SPATC1: variants seen among roughly 807,000 people sequenced by gnomAD.
SPATC1 encodes the protein speriolin.
Under a neutral mutation model 36.5 loss-of-function variants are expected in SPATC1, and 35 were observed. That is an observed-to-expected ratio of 0.96 (90% CI 0.73 to 1.27). SPATC1 has a LOEUF of 1.27. SPATC1 is among the 50% of genes most tolerant of loss of function. SPATC1 has a pLI of 0.00. For synonymous variants in SPATC1, 361 were observed against 353.6 expected (o/e 1.02, Z -0.24); for missense variants, 779 against 796.0 (o/e 0.98, Z 0.26).
chr8:144,042,311 A>ATATTTTT (rs1412021347), intron 4 of SPATC1, among the ~76,000 whole-genome samples: 5 of 23,880 alleles, frequency 2.1e-4, no homozygotes, highest in African/African-American at 2.4e-4. Flanking sequence ...ATATATATAT[A>ATATTTTT]TTTTTTTTTT....
At chr8:144,018,296 T>C (rs1340115227) in intron 1 of SPATC1, among the ~76,000 whole-genome samples, 4 of 152,258 alleles carry the variant, frequency 2.6e-5, no homozygotes, top group East Asian at 3.9e-4. Context: ...TCAACCATCA[T>C]AGGTGGAATG....
At chr8:144,012,948 C>T (rs1834309888) in intron 1 of SPATC1, among the ~76,000 whole-genome samples, 1 of 152,092 alleles carries the variant, frequency 6.6e-6, no homozygotes, top group Non-Finnish European at 1.5e-5. Context: ...GCTCAGAGCC[C>T]ACCCACCCCT....
Position 144,039,946 on chromosome 8 carries a change from A to G in SPATC1, c.249A>G (p.Glu83=). The G allele has an allele frequency of 6.2e-7, 1 of 1,613,800 alleles. No homozygotes were observed. The highest frequency in any genetic ancestry group is 1.1e-5 in the South Asian group (1 of 91,080). Residue 83 remains glutamate (E), a synonymous_variant, in exon 2 of 5, where the codon GAA becomes GAG. Transcript: ENST00000377470. ...FLPPSPAVAN[E]RVLEEVGIMA... ...CCCCGTCCCCAGCAGTGGCAAACGA[A>G]CGAGTCCTCGAAGAAGTGGGGATCA...
At chr8:144,032,692 T>C (rs1279967860) in intron 1 of SPATC1, among the ~76,000 whole-genome samples, 1 of 152,172 alleles carries the variant, frequency 6.6e-6, no homozygotes, top group African/African-American at 2.4e-5. Flanking sequence ...TTATGGGTCA[T>C]ACTTGTTTGT....
At chr8:144,020,921 C>CCA in intron 1 of SPATC1, among the ~76,000 whole-genome samples, 1 of 149,238 alleles carries the variant, frequency 6.7e-6, no homozygotes, top group Non-Finnish European at 1.5e-5. Flanking sequence ...GGACCTTCTC[C>CCA]CCTCAGGACC....
At chr8:144,019,915 C>A in intron 1 of SPATC1, among the ~76,000 whole-genome samples, 1 of 151,694 alleles carries the variant, frequency 6.6e-6, no homozygotes, top group East Asian at 1.9e-4. Context: ...CCCACTGCCT[C>A]CCCCGGGGGC....
At position 144,040,411 on chromosome 8, in the gene SPATC1, C is replaced by T. The variant is rs563995961; in HGVS notation, c.714C>T (p.Gly238=). The change falls in exon 2 of 5, where the codon GGC becomes GGT. Residue 238 remains glycine, a synonymous_variant. Transcript: ENST00000377470. ...GGCTGGCTGAGCCACTCCGCGGAGG[C>T]CCCACTGGGCCCCAGTCCCCAGCTT... is the stretch of plus-strand genomic sequence containing the variant. ...RLRLAEPLRG[G]PTGPQSPACV... The T allele has an allele frequency of 6.2e-7, 1 of 1,609,744 alleles. No homozygotes were observed. Among genetic ancestry groups the T allele is most frequent in the South Asian group, 1.1e-5 (1 of 90,760 alleles).
intron 4 of SPATC1, among the ~76,000 whole-genome samples, chr8:144,044,332 C>T (rs776232158): frequency 3.6e-4 from 54 of 150,224 alleles, no homozygotes; most frequent in African/African-American, 1.2e-3. Context: ...GATGGAGTCT[C>T]GCTCTGTCGC....
intron 1 of SPATC1, among the ~76,000 whole-genome samples, chr8:144,018,573 AAG>A (rs1217027701): frequency 2.0e-5 from 3 of 152,228 alleles, no homozygotes; most frequent in African/African-American, 7.2e-5. Flanking sequence ...TGACTGAAGG[AAG>A]AGAGTCTCTT....
chr8:144,020,206 G>A (rs982528164), intron 1 of SPATC1, among the ~76,000 whole-genome samples: 81 of 150,856 alleles, frequency 5.4e-4, no homozygotes, highest in African/African-American at 2.0e-3. Flanking sequence ...TCTTCCCTCA[G>A]GACCATCTCC....
chr8:144,029,202 T>TA (rs1165801794), intron 1 of SPATC1, among the ~76,000 whole-genome samples: 2,342 of 28,116 alleles, frequency 0.083, 232 homozygotes, highest in Non-Finnish European at 0.12. Flanking sequence ...ACCCCAGAAC[T>TA]AAAAAAAAAA....
In SPATC1 at chr8:144,046,146, G is replaced by A. The variant is rs1554756703; in HGVS notation, c.1447-481G>A. ...GGGTGTGCAGGCTAGAGGGTGCTGAGGATGGAGGCCAGGGTAAGGAAGGGG... is the reference window on the plus strand; with the variant it reads ...GGGTGTGCAGGCTAGAGGGTGCTGAAGATGGAGGCCAGGGTAAGGAAGGGG... On this transcript the variant is annotated intron_variant, in intron 4 of 4. Coordinates refer to ENST00000377470, the MANE Select transcript of SPATC1 (RefSeq NM_198572.3). This position sits in a 1 kb window ranked among gnomAD's most constrained non-coding sequence, Gnocchi z 6.6. Among the ~76,000 whole-genome samples, 1 of 152,130 alleles carries A rather than the reference G, an allele frequency of 6.6e-6. No homozygotes were observed. The highest frequency in any genetic ancestry group is 6.5e-5 in the Admixed American group (1 of 15,278).
At chr8:144,021,301 C>T (rs1834528040) in intron 1 of SPATC1, among the ~76,000 whole-genome samples, 1 of 146,626 alleles carries the variant, frequency 6.8e-6, no homozygotes, top group Admixed American at 6.7e-5. Context: ...CCCTCAGGAC[C>T]CTCTTCCCTC....
intron 1 of SPATC1, among the ~76,000 whole-genome samples, chr8:144,037,534 C>T (rs185212438): frequency 0.046 from 6,928 of 152,130 alleles, 214 homozygotes; most frequent in Non-Finnish European, 0.069. Context: ...CTGAAACATG[C>T]GCTGTGTCCA....
intron 1 of SPATC1, among the ~76,000 whole-genome samples, chr8:144,033,768 TG>T (rs1310693919): frequency 6.6e-6 from 1 of 152,044 alleles, no homozygotes; most frequent in African/African-American, 2.4e-5. Flanking sequence ...GAGCCTCATG[TG>T]GGGTTTGGTT....
chr8:144,013,764 T>C (rs782501884), intron 1 of SPATC1, among the ~76,000 whole-genome samples: 3 of 152,224 alleles, frequency 2.0e-5, no homozygotes, highest in African/African-American at 4.8e-5. Context: ...GAGATCAACA[T>C]GGCCAACATG....
intron 1 of SPATC1, among the ~76,000 whole-genome samples, chr8:144,038,983 T>C (rs1192003170): frequency 6.6e-6 from 1 of 152,024 alleles, no homozygotes; most frequent in Non-Finnish European, 1.5e-5. Context: ...GTAGAGAAGG[T>C]CTCCAAGGCA....
rs576544596 is a variant in SPATC1, at chr8:144,040,882, GCCC to G, written c.1085_1087del (p.Pro362del). ...AAGCACCACCCACATCGCCCAGGGT[GCCC>G]CCCATCCCCCTTCCCGAATGCATAA... On this transcript the variant is annotated inframe_deletion, in exon 3 of 5. Coordinates refer to ENST00000377470, the MANE Select transcript of SPATC1 (RefSeq NM_198572.3). 3 of 1,584,758 alleles carry G rather than the reference GCCC, an allele frequency of 1.9e-6. No homozygotes were observed. In the Admixed American group the frequency reaches 5.2e-5, roughly 27 times the overall value.
intron 3 of SPATC1, 40 bp downstream of exon 3, chr8:144,041,147 G>C: frequency 6.3e-7 from 1 of 1,589,068 alleles, no homozygotes; most frequent in Non-Finnish European, 8.6e-7. Flanking sequence ...CGGGCCCCCA[G>C]GCCCTCTCCC....
Sources: gnomAD v4.1 joint callset for allele counts (sites outside exome capture counted in the v4.1 genomes callset) on GRCh38, gnomAD v4.1.1 for gene constraint, Gnocchi (gnomAD v3.1) non-coding constraint, MANE v1.5 for transcripts, NCBI Gene and HGNC (gene_info 2026-07-23, HGNC 2026-07-21) for gene names.